SLC35D2: variants seen among roughly 807,000 people sequenced by gnomAD.
SLC35D2 encodes the protein solute carrier family 35 member D2.
In SLC35D2, 43 loss-of-function variants were observed where a neutral mutation model predicts 41.8. That is an observed-to-expected ratio of 1.03 (90% CI 0.81 to 1.33). The LOEUF (loss-of-function observed/expected upper bound fraction) is 1.33. Among genes scored for constraint, SLC35D2 ranks in the 40% most tolerant of loss-of-function variants. SLC35D2 has a pLI of 0.00. For missense variants in SLC35D2, 380 were observed against 408.4 expected (o/e 0.93, Z 0.60); for synonymous variants, 150 against 163.9 (o/e 0.92, Z 0.65).
intron 3 of SLC35D2, among the ~76,000 whole-genome samples, chr9:96,364,200 T>C (rs780435040): frequency 5.3e-5 from 8 of 152,062 alleles, no homozygotes; most frequent in Non-Finnish European, 7.4e-5. Context: ...CTGGGAATGG[T>C]GGCAGGCACC....
At chr9:96,332,500 C>T (rs1329767877) in intron 9 of SLC35D2, among the ~76,000 whole-genome samples, 2 of 152,050 alleles carry the variant, frequency 1.3e-5, no homozygotes, top group African/African-American at 2.4e-5. Flanking sequence ...TCATGTTGGC[C>T]GGGTTCAGTG....
At chr9:96,314,444 A>G (rs893984564) in exon 12 of SLC35D2, 8 of 152,210 alleles carry the variant, frequency 5.3e-5, no homozygotes, top group Admixed American at 2.6e-4. Flanking sequence ...TTGCAGGGAC[A>G]TGGATGGAGC....
intron 2 of SLC35D2, 149 bp from the exon 3 acceptor site, chr9:96,364,699 T>A: frequency 1.5e-6 from 1 of 661,790 alleles, no homozygotes; most frequent in Non-Finnish European, 2.7e-6. Context: ...AACTATTTCT[T>A]AGAATATTAA....
intron 1 of SLC35D2, among the ~76,000 whole-genome samples, chr9:96,383,157 T>A (rs550802509): frequency 6.6e-6 from 1 of 152,344 alleles, no homozygotes; most frequent in East Asian, 1.9e-4. Flanking sequence ...TTGCGTCCTT[T>A]GAAGCAGGCA....
chr9:96,330,104 T>C (rs1445428462), intron 9 of SLC35D2, among the ~76,000 whole-genome samples: 1 of 152,212 alleles, frequency 6.6e-6, no homozygotes, highest in Non-Finnish European at 1.5e-5. Context: ...AAGCCCTAGA[T>C]TCCCAAGGCC....
Position 96,364,557 on chromosome 9 carries a change from A to G in SLC35D2, c.193-7T>C. The G allele has an allele frequency of 6.4e-7, 1 of 1,561,724 alleles. No homozygotes were observed. Among genetic ancestry groups the G allele is most frequent in the South Asian group, 1.1e-5 (1 of 89,210 alleles). ...TCATTATGGTGGCTGCCATCTGAAG[A>G]AAAGGGGAGAGAGAAACTTCAGCAA... On this transcript the variant is annotated splice_region_variant and splice_polypyrimidine_tract_variant and intron_variant, in intron 2 of 11. Transcript: ENST00000253270.
chr9:96,345,197 AT>A, intron 7 of SLC35D2, 101 bp downstream of exon 7: 1 of 629,148 alleles, frequency 1.6e-6, no homozygotes, highest in South Asian at 2.2e-5. Context: ...GTCATATTAT[AT>A]AAATTAAATT....
At position 96,345,552 on chromosome 9, in the gene SLC35D2, T is replaced by C. The variant is rs933108877; in HGVS notation, c.489-151A>G. On this transcript the variant is annotated intron_variant, in intron 6 of 11. Transcript: ENST00000253270. ...TAGTGAATGATTAATTCCTCTGCTT[T>C]GCCTCCAGACAAAAACCAAACCAGC... is the stretch of plus-strand genomic sequence containing the variant. 9.6e-6 allele frequency: 6 copies of C among 626,936 alleles called. No homozygotes were observed. The African/African-American group carries it at 1.1e-4, about 12-fold the overall frequency. 38.8% of individuals were successfully genotyped at this position (626,936 alleles called of 1,614,324 possible).
At chr9:96,324,726 T>G (rs1054469267) in intron 9 of SLC35D2, among the ~76,000 whole-genome samples, 1 of 152,058 alleles carries the variant, frequency 6.6e-6, no homozygotes, top group Admixed American at 6.6e-5. Context: ...CTACTTTTTT[T>G]TGTATTTTAG....
In SLC35D2 at chr9:96,383,528, G is replaced by A. The variant is rs757349758; in HGVS notation, c.107C>T (p.Thr36Ile). Residue 36 changes from threonine to isoleucine, a missense_variant, in exon 1 of 12, where the codon ACC (threonine) becomes ATC (isoleucine). Coordinates refer to ENST00000253270, the MANE Select transcript of SLC35D2 (RefSeq NM_007001.3). ...ARLLSALFYGTCSFLIVLVNK... is the reference protein window; with the variant it reads ...ARLLSALFYGICSFLIVLVNK... ...GACAAGCACGATGAGGAAGGAGCAG[G>A]TCCCGTAGAAGAGCGCCGACAGCAG... 6.6e-7 allele frequency: 1 copy of A among 1,524,106 alleles called. No homozygotes were observed. Among genetic ancestry groups the A allele is most frequent in the Non-Finnish European group, 8.8e-7 (1 of 1,135,576 alleles). 94.4% of individuals were successfully genotyped at this position (1,524,106 alleles called of 1,614,324 possible). A position where few individuals can be genotyped will look rare whatever the true frequency, so the allele number is the denominator to read the frequency against.
In SLC35D2 at chr9:96,341,335, T is replaced by C. The variant is rs142030498; in HGVS notation, c.684+2569A>G. 4.4e-3 allele frequency among the ~76,000 whole-genome samples: 665 copies of C among 152,284 alleles called. 5 individuals carry two copies. Among genetic ancestry groups the C allele is most frequent in the African/African-American group, 0.015 (638 of 41,564 alleles). ...AAAATAAAGTATATGTTAGGTCTCTTGTACTTTCTATAAGGGAAGGATATG... is the reference window on the plus strand; with the variant it reads ...AAAATAAAGTATATGTTAGGTCTCTCGTACTTTCTATAAGGGAAGGATATG... On this transcript the variant is annotated intron_variant, in intron 8 of 11. Transcript: ENST00000253270.
chr9:96,321,356 A>G lies in SLC35D2; in HGVS notation c.915-15T>C. The G allele has an allele frequency of 6.3e-7, 1 of 1,594,868 alleles. No individual in the cohort carries two copies. Among genetic ancestry groups the G allele is most frequent in the Non-Finnish European group, 8.6e-7 (1 of 1,164,340 alleles). The stretch of plus-strand genomic sequence containing the variant: ...CCCCTGCCATGCTGAAAGGAGAAAA[A>G]AAAGTGAAAATAAATGACTGGGAAT... On this transcript the variant is annotated splice_polypyrimidine_tract_variant and intron_variant, in intron 11 of 11. Transcript: ENST00000253270.
chr9:96,326,213 T>C (rs899729105), intron 9 of SLC35D2, among the ~76,000 whole-genome samples: 4 of 152,210 alleles, frequency 2.6e-5, no homozygotes, highest in African/African-American at 9.7e-5. Context: ...AAGAGTTGCT[T>C]AAGTACAGAA....
chr9:96,321,200 G>A lies in SLC35D2; in HGVS notation c.*42C>T, dbSNP rs535241297. 2.1e-5 allele frequency: 31 copies of A among 1,455,098 alleles called. No individual in the cohort carries two copies. In the South Asian group the frequency reaches 3.4e-4, roughly 16 times the overall value. 90.1% of individuals were successfully genotyped at this position (1,455,098 alleles called of 1,614,324 possible). On this transcript the variant is annotated 3_prime_UTR_variant, in exon 12 of 12. Transcript: ENST00000253270. ...CATTCCTACTGGGAATGCCCCCCCAGCCCGCAGTCACAAGTCAGTCTCCAA... is the reference window on the plus strand; with the variant it reads ...CATTCCTACTGGGAATGCCCCCCCAACCCGCAGTCACAAGTCAGTCTCCAA...
At chr9:96,325,566 C>T (rs903683625) in intron 9 of SLC35D2, among the ~76,000 whole-genome samples, 9 of 152,144 alleles carry the variant, frequency 5.9e-5, no homozygotes, top group African/African-American at 2.2e-4. Context: ...GCCTGTAATC[C>T]CAGCTACTCG....
At chr9:96,357,739 A>G (rs1830086430) in intron 4 of SLC35D2, among the ~76,000 whole-genome samples, 1 of 152,106 alleles carries the variant, frequency 6.6e-6, no homozygotes, top group Non-Finnish European at 1.5e-5. Context: ...GGAATTCATA[A>G]AAATTAAAAC....
At chr9:96,331,306 T>G (rs964553184) in intron 9 of SLC35D2, among the ~76,000 whole-genome samples, 1 of 152,210 alleles carries the variant, frequency 6.6e-6, no homozygotes. Context: ...CTCCTTCTCC[T>G]GTATGCTTGC....
At position 96,383,504 on chromosome 9, in the gene SLC35D2, A is replaced by G; in HGVS notation, c.131T>C (p.Val44Ala). 1.3e-6 allele frequency: 2 copies of G among 1,537,072 alleles called. No individual in the cohort carries two copies. The highest frequency in any genetic ancestry group is 2.4e-5 in the South Asian group (2 of 83,684). ...YGTCSFLIVL[V>A]NKALLTTYGF... The stretch of plus-strand genomic sequence containing the variant: ...GTAGGTGGTCAGCAGCGCCTTGTTG[A>G]CAAGCACGATGAGGAAGGAGCAGGT... The change falls in exon 1 of 12, where the codon GTC (valine) becomes GCC (alanine). Residue 44 changes from valine (V) to alanine (A), a missense_variant. Val to Ala is a moderately conservative substitution (Grantham distance 64). Transcript: ENST00000253270.
At chr9:96,365,081 C>T (rs1480975444) in intron 2 of SLC35D2, among the ~76,000 whole-genome samples, 1 of 150,522 alleles carries the variant, frequency 6.6e-6, no homozygotes, top group African/African-American at 2.4e-5. Context: ...CAGCTGGGTG[C>T]CGTGGCTCAT....
Sources: gnomAD v4.1 joint callset for allele counts (sites outside exome capture counted in the v4.1 genomes callset) on GRCh38, gnomAD v4.1.1 for gene constraint, MANE v1.5 for transcripts, NCBI Gene and HGNC (gene_info 2026-07-23, HGNC 2026-07-21) for gene names.